SLC12A2: variants seen among roughly 807,000 people sequenced by gnomAD.
SLC12A2 encodes the protein solute carrier family 12 member 2, also known as Na-K-2Cl cotransporter 1.
In SLC12A2, 67 loss-of-function variants were observed where a neutral mutation model predicts 136.3. The ratio of observed to expected loss-of-function variants is 0.49; its 90% confidence interval spans 0.40 to 0.60. The LOEUF is 0.60. SLC12A2 is among the 20% of genes least tolerant of loss of function. The pLI, the probability that SLC12A2 is intolerant of heterozygous loss-of-function variation, is 0.00. For synonymous variants in SLC12A2, 619 were observed against 562.9 expected, an observed-to-expected ratio of 1.10 and a Z score of -1.41; for missense variants, 1,322 against 1,534.7, an observed-to-expected ratio of 0.86 and a Z score of 2.32.
chr5:128,084,127 A>G lies in SLC12A2; in HGVS notation c.173A>G (p.Asp58Gly). 7.7e-7 allele frequency: 1 copy of G among 1,302,732 alleles called. No individual in the cohort carries two copies. The allele number at this position is 1,302,732 out of a possible 1,614,324, so 80.7% of individuals were successfully genotyped here. Reference sequence around the variant, plus strand: ...AGCCGGGACGGCGGCGGGGTCCGCGATGAGGGCCCCGCGGCGGCCGGGGAC... The same window carrying G: ...AGCCGGGACGGCGGCGGGGTCCGCGGTGAGGGCCCCGCGGCGGCCGGGGAC... ...PASRDGGGVR[D>G]EGPAAAGDGL... Residue 58 changes from aspartate to glycine, a missense_variant, in exon 1 of 27, where the codon GAT (aspartate) becomes GGT (glycine). Asp to Gly is a moderately conservative substitution (Grantham distance 94). This residue lies in a region of SLC12A2 where 358 missense variants were observed against 299.7 expected (regional missense o/e 1.19). Coordinates refer to ENST00000262461, the MANE Select transcript of SLC12A2 (RefSeq NM_001046.3). The surrounding 1 kb of genome is among the most constrained non-coding windows in gnomAD (Gnocchi z 5.6).
At chr5:128,174,424 A>G in intron 19 of SLC12A2, 117 bp from the exon 20 acceptor site, 1 of 651,398 alleles carries the variant, frequency 1.5e-6, no homozygotes, top group Non-Finnish European at 2.5e-6. Context: ...TGTTTAAATA[A>G]GAAGCCATTT....
intron 1 of SLC12A2, among the ~76,000 whole-genome samples, chr5:128,106,714 A>G (rs188663080): frequency 2.6e-3 from 402 of 152,270 alleles, no homozygotes; most frequent in Non-Finnish European, 4.4e-3. Flanking sequence ...ACATAGTTGT[A>G]TGTAGTATGG....
intron 1 of SLC12A2, among the ~76,000 whole-genome samples, 156 bp from the exon 2 acceptor site, chr5:128,112,658 C>T (rs1191418721): frequency 1.3e-5 from 2 of 152,114 alleles, no homozygotes; most frequent in Non-Finnish European, 2.9e-5. Flanking sequence ...ATTGTTTTGT[C>T]CTTTCCTGGG....
At chr5:128,102,770 G>A (rs867068511) in intron 1 of SLC12A2, among the ~76,000 whole-genome samples, 2 of 150,912 alleles carry the variant, frequency 1.3e-5, no homozygotes, top group Middle Eastern at 3.4e-3. Context: ...GTGCCACCAT[G>A]CCTGGCTAAC....
At chr5:128,109,351 G>T in intron 1 of SLC12A2, 1 of 290,706 alleles carries the variant, frequency 3.4e-6, no homozygotes, top group Non-Finnish European at 6.7e-6. Context: ...CTGCATGCCT[G>T]CCCTGCATGC....
At chr5:128,133,549 TTA>T (rs1398004382) in intron 5 of SLC12A2, among the ~76,000 whole-genome samples, 2 of 152,108 alleles carry the variant, frequency 1.3e-5, no homozygotes, top group African/African-American at 4.8e-5. Context: ...AACAACTAAA[TTA>T]TGTTTTAGTT....
intron 1 of SLC12A2, among the ~76,000 whole-genome samples, chr5:128,091,336 C>G (rs775065161): frequency 6.6e-6 from 1 of 152,132 alleles, no homozygotes; most frequent in African/African-American, 2.4e-5. Context: ...CAAATTAGTT[C>G]TCCAATGAGG....
chr5:128,181,410 G>A (rs917413061), intron 23 of SLC12A2, among the ~76,000 whole-genome samples: 1 of 152,094 alleles, frequency 6.6e-6, no homozygotes, highest in Admixed American at 6.5e-5. Flanking sequence ...CACGATTCTA[G>A]TTCTTGTTTC....
chr5:128,112,095 T>A (rs561810432), intron 1 of SLC12A2, among the ~76,000 whole-genome samples: 1 of 152,136 alleles, frequency 6.6e-6, no homozygotes, highest in South Asian at 2.1e-4. Context: ...AAATGTGTCA[T>A]ATATTGGGAT....
intron 20 of SLC12A2, among the ~76,000 whole-genome samples, chr5:128,176,240 G>A (rs181781250): frequency 8.6e-5 from 13 of 152,006 alleles, no homozygotes; most frequent in Non-Finnish European, 1.8e-4. Context: ...TAAGAGGTAG[G>A]TACTAATACC....
chr5:128,135,427 A>G (rs892176700), intron 6 of SLC12A2, among the ~76,000 whole-genome samples: 2 of 152,092 alleles, frequency 1.3e-5, no homozygotes, highest in African/African-American at 4.8e-5. Flanking sequence ...GGTTTGTGGG[A>G]AGGCATGCAC....
At chr5:128,170,332 T>A (rs1763333837) in intron 18 of SLC12A2, 1 of 152,194 alleles carries the variant, frequency 6.6e-6, no homozygotes. Flanking sequence ...AAGATTAACA[T>A]GCCTATTAAA....
At chr5:128,134,958 G>A (rs1429952874) in intron 6 of SLC12A2, among the ~76,000 whole-genome samples, 1 of 151,950 alleles carries the variant, frequency 6.6e-6, no homozygotes, top group Non-Finnish European at 1.5e-5. Flanking sequence ...TTTCAATCTT[G>A]TTCTTTATTG....
At chr5:128,146,247 A>G (rs1762523418) in intron 10 of SLC12A2, among the ~76,000 whole-genome samples, 1 of 151,908 alleles carries the variant, frequency 6.6e-6, no homozygotes, top group South Asian at 2.1e-4. Flanking sequence ...GAAATTAAAC[A>G]CTGATGAAAT....
At chr5:128,152,575 A>C in intron 14 of SLC12A2, 131 bp from the exon 15 acceptor site, 2 of 661,436 alleles carry the variant, frequency 3.0e-6, no homozygotes, top group Non-Finnish European at 5.6e-6. Flanking sequence ...GAACTATTGA[A>C]AGTACAATAG....
chr5:128,149,895 T>C lies in SLC12A2; in HGVS notation c.2006-102T>C, dbSNP rs115568860. On this transcript the variant is annotated intron_variant, in intron 12 of 26. Transcript: ENST00000262461. ...ATGTTTATGAAAGCTGGATGGTGGT[T>C]ATGGGGTGTTACGTTGTTATCTAAA... is the stretch of plus-strand genomic sequence containing the variant. 2.2e-3 allele frequency: 1,732 copies of C among 779,450 alleles called. 19 individuals are homozygous for C. The African/African-American group carries it at 0.025, about 11-fold the overall frequency. The allele number at this position is 779,450 out of a possible 1,614,324, so 48.3% of individuals were successfully genotyped here. A position where few individuals can be genotyped will look rare whatever the true frequency, so the allele number is the denominator to read the frequency against.
chr5:128,135,197 T>A (rs1762147012), intron 6 of SLC12A2, among the ~76,000 whole-genome samples: 1 of 152,086 alleles, frequency 6.6e-6, no homozygotes, highest in Non-Finnish European at 1.5e-5. Flanking sequence ...ATCCCATTGC[T>A]ACTTGAATTT....
At chr5:128,107,329 C>CATGTGCAGA (rs1760977528) in intron 1 of SLC12A2, among the ~76,000 whole-genome samples, 1 of 152,184 alleles carries the variant, frequency 6.6e-6, no homozygotes, top group Non-Finnish European at 1.5e-5. Flanking sequence ...TTCTAGCATA[C>CATGTGCAGA]ATGTGCAGAA....
intron 4 of SLC12A2, among the ~76,000 whole-genome samples, chr5:128,130,017 A>G (rs1230362598): frequency 6.6e-6 from 1 of 150,420 alleles, no homozygotes; most frequent in East Asian, 2.0e-4. Flanking sequence ...ATACCATTAT[A>G]TGCTCTTGTG....
Sources: allele counts gnomAD v4.1 joint callset (sites outside exome capture counted in the v4.1 genomes callset), GRCh38; gene constraint gnomAD v4.1.1; regional missense constraint gnomAD v4.1.1; non-coding constraint Gnocchi (gnomAD v3.1); transcripts MANE v1.5; gene names NCBI Gene and HGNC (gene_info 2026-07-23, HGNC 2026-07-21).